Variants in CREG2 observed in about 807,000 individuals in gnomAD.
The protein encoded by CREG2 is protein CREG2.
A neutral mutation model predicts 26.2 loss-of-function variants in CREG2; 24 were observed. The observed-to-expected ratio is 0.92, with a 90% confidence interval of 0.66 to 1.29. The LOEUF is 1.29. Among genes scored for constraint, CREG2 ranks in the 50% most tolerant of loss-of-function variants. CREG2 has a pLI of 0.00. For synonymous variants in CREG2, 174 were observed against 169.2 expected, an observed-to-expected ratio of 1.03 and a Z score of -0.22; for missense variants, 366 against 398.6, an observed-to-expected ratio of 0.92 and a Z score of 0.70.
At chr2:101,356,357 G>A (rs1486011097) in intron 2 of CREG2, among the ~76,000 whole-genome samples, 3 of 152,082 alleles carry the variant, frequency 2.0e-5, no homozygotes, top group Non-Finnish European at 4.4e-5. Context: ...TGAGGGTGGA[G>A]CCCTTGCCAG....
intron 2 of CREG2, among the ~76,000 whole-genome samples, chr2:101,366,868 A>G (rs1041459442): frequency 2.0e-5 from 3 of 152,204 alleles, no homozygotes; most frequent in Non-Finnish European, 4.4e-5. Context: ...CCAATATAGT[A>G]TAACAACTAT....
rs200987896 is a variant in CREG2, at chr2:101,350,585, A to ATT, written c.*336_*337dup. On this transcript the variant is annotated 3_prime_UTR_variant, in exon 4 of 4. Transcript: ENST00000324768. ...AAGCAATCACATTGTAGGTACAGGC[A>ATT]TTTTTTTTTTTCCTTAAACAATGAA... The ATT allele has an allele frequency of 7.9e-6, 1 of 125,814 alleles. No homozygotes were observed. Among genetic ancestry groups the ATT allele is most frequent in the Non-Finnish European group, 1.7e-5 (1 of 59,108 alleles). 7.8% of individuals were successfully genotyped at this position (125,814 alleles called of 1,614,324 possible). A position where few individuals can be genotyped will look rare whatever the true frequency, so the allele number is the denominator to read the frequency against.
intron 2 of CREG2, among the ~76,000 whole-genome samples, chr2:101,357,607 T>G (rs968144913): frequency 6.6e-6 from 1 of 152,204 alleles, no homozygotes. Context: ...ATGGCTTTGA[T>G]GTGTATTCCA....
intron 2 of CREG2, among the ~76,000 whole-genome samples, chr2:101,365,389 G>A (rs1220619822): frequency 6.6e-6 from 1 of 152,066 alleles, no homozygotes; most frequent in African/African-American, 2.4e-5. Flanking sequence ...GGTTGGGGAG[G>A]CGTCTCACCT....
chr2:101,363,792 G>C (rs1360462661), intron 2 of CREG2, among the ~76,000 whole-genome samples: 1 of 151,998 alleles, frequency 6.6e-6, no homozygotes, highest in Admixed American at 6.6e-5. Context: ...TGAGGCTGCA[G>C]TGAGCTATGA....
chr2:101,356,529 T>C (rs1684462687), intron 2 of CREG2, among the ~76,000 whole-genome samples: 1 of 152,202 alleles, frequency 6.6e-6, no homozygotes, highest in Non-Finnish European at 1.5e-5. Context: ...ACAGGGTAGA[T>C]CTCATGTCAG....
At chr2:101,375,124 C>G (rs553255513) in intron 2 of CREG2, among the ~76,000 whole-genome samples, 14 of 152,348 alleles carry the variant, frequency 9.2e-5, no homozygotes, top group Admixed American at 2.0e-4. Context: ...CCCAGTTTCT[C>G]TGGTGTGAGC....
chr2:101,363,556 T>C (rs964071249), intron 2 of CREG2, among the ~76,000 whole-genome samples: 3 of 152,200 alleles, frequency 2.0e-5, no homozygotes, highest in African/African-American at 7.2e-5. Flanking sequence ...TATGTGTTTG[T>C]GTTCAGTGGT....
chr2:101,359,076 A>G lies in CREG2; in HGVS notation c.612-3710T>C, dbSNP rs1351738287. Among the ~76,000 whole-genome samples, 4 of 144,382 alleles carry G rather than the reference A, an allele frequency of 2.8e-5. 1 individual carries two copies. The highest frequency in any genetic ancestry group is 4.1e-4 in the East Asian group (2 of 4,872). 94.7% of individuals were successfully genotyped at this position (144,382 alleles called of 152,430 possible). A position where few individuals can be genotyped will look rare whatever the true frequency, so the allele number is the denominator to read the frequency against. On this transcript the variant is annotated intron_variant, in intron 2 of 3. Transcript: ENST00000324768. ...AAAAAAAAAAAAAAAAAAAAAAGAG[A>G]GAACTGAGGCAAGTTTTAGAGCAGG... is the stretch of plus-strand genomic sequence containing the variant.
At chr2:101,386,970 C>T (rs969684254) in intron 1 of CREG2, 47 bp downstream of exon 1, 2 of 1,230,584 alleles carry the variant, frequency 1.6e-6, no homozygotes, top group Non-Finnish European at 2.0e-6. Context: ...GTCCCCCGGC[C>T]GCCGCCTGAA....
intron 2 of CREG2, among the ~76,000 whole-genome samples, chr2:101,362,679 G>A (rs964988763): frequency 2.6e-5 from 4 of 152,186 alleles, no homozygotes; most frequent in Non-Finnish European, 5.9e-5. Flanking sequence ...GGTGACCCTG[G>A]GAGCTGAAGG....
intron 1 of CREG2, among the ~76,000 whole-genome samples, chr2:101,384,861 T>C (rs1006274579): frequency 6.6e-6 from 1 of 151,980 alleles, no homozygotes; most frequent in Non-Finnish European, 1.5e-5. Flanking sequence ...ACCCCATCTA[T>C]AAAATAAATA....
chr2:101,369,643 G>A lies in CREG2; in HGVS notation c.611+13890C>T, dbSNP rs578037128. On this transcript the variant is annotated intron_variant, in intron 2 of 3. Coordinates refer to ENST00000324768, the MANE Select transcript of CREG2 (RefSeq NM_153836.4). Reference sequence around the variant, plus strand: ...ATAACTTGTAGGGGATTTAACACAAGCAGCTTGAAAGATGCGTATTTCCAT... The same window carrying A: ...ATAACTTGTAGGGGATTTAACACAAACAGCTTGAAAGATGCGTATTTCCAT... Among the ~76,000 whole-genome samples the A allele has an allele frequency of 6.6e-5, 10 of 152,282 alleles. No homozygotes were observed. In the East Asian group the frequency reaches 1.9e-3, roughly 29 times the overall value.
At chr2:101,383,059 TG>T in intron 2 of CREG2, 1 of 908,436 alleles carries the variant, frequency 1.1e-6, no homozygotes, top group Non-Finnish European at 1.3e-6. Context: ...TAAAAAATGC[TG>T]GCTCCTTATT....
chr2:101,355,337 C>T lies in CREG2; in HGVS notation c.641G>A (p.Arg214Gln). 1.2e-5 allele frequency: 19 copies of T among 1,613,712 alleles called. No individual in the cohort carries two copies. Among genetic ancestry groups the T allele is most frequent in the Non-Finnish European group, 1.4e-5 (17 of 1,179,662 alleles). The change falls in exon 3 of 4, where the codon CGA (arginine) becomes CAA (glutamine). Residue 214 changes from arginine to glutamine, a missense_variant. By Grantham distance (43) the Arg-to-Gln change is conservative. Coordinates refer to ENST00000324768, the MANE Select transcript of CREG2 (RefSeq NM_153836.4). ...RKNIVDPEDP[R>Q]CVQLTLTGQM... ...GCCAGTGAGCGTTAACTGGACACAT[C>T]GGGGATCTTCCGGATCAACGATGTT...
Position 101,345,675 on chromosome 2 carries a change from C to CA in CREG2, c.*5247dup, listed in dbSNP as rs1280573421. ...ACATGCATTACATGGCACAAATAAT[C>CA]ACATCATTACAATTCAAATTGTACA... On this transcript the variant is annotated 3_prime_UTR_variant, in exon 4 of 4. Coordinates refer to ENST00000324768, the MANE Select transcript of CREG2 (RefSeq NM_153836.4). 5 of 152,130 alleles carry CA rather than the reference C, an allele frequency of 3.3e-5. No individual in the cohort carries two copies. The highest frequency in any genetic ancestry group is 1.2e-4 in the African/African-American group (5 of 41,402). 9.4% of individuals were successfully genotyped at this position (152,130 alleles called of 1,614,324 possible). A position where few individuals can be genotyped will look rare whatever the true frequency, so the allele number is the denominator to read the frequency against.
chr2:101,355,189 G>A, intron 3 of CREG2, 64 bp downstream of exon 3: 1 of 1,092,760 alleles, frequency 9.2e-7, no homozygotes, highest in South Asian at 1.3e-5. Flanking sequence ...TAATGGCACA[G>A]CCTGACCTCT....
intron 2 of CREG2, chr2:101,382,882 A>G: frequency 1.0e-6 from 1 of 985,472 alleles, no homozygotes; most frequent in Non-Finnish European, 1.2e-6. Context: ...GGACGAGGGG[A>G]TCTCACATGC....
At chr2:101,364,917 G>A (rs551728243) in intron 2 of CREG2, among the ~76,000 whole-genome samples, 6 of 152,322 alleles carry the variant, frequency 3.9e-5, no homozygotes, top group Non-Finnish European at 5.9e-5. Context: ...TGGGAGGATC[G>A]TGATGGGGGC....
Sources: allele counts gnomAD v4.1 joint callset (sites outside exome capture counted in the v4.1 genomes callset), GRCh38; gene constraint gnomAD v4.1.1; transcripts MANE v1.5; gene names NCBI Gene and HGNC (gene_info 2026-07-23, HGNC 2026-07-21).